Variants in TTN observed in about 807,000 individuals in gnomAD.
TTN encodes titin.
A neutral mutation model predicts 3,223.0 loss-of-function variants in TTN; 1,525 were observed. The ratio of observed to expected loss-of-function variants is 0.47; its 90% confidence interval spans 0.45 to 0.49. The LOEUF is 0.49. Ranked by LOEUF, TTN falls within the 20% of genes least tolerant of loss-of-function variation. TTN has a pLI of 0.00. For missense variants in TTN, 40,786 were observed against 43,424.0 expected, an observed-to-expected ratio of 0.94 and a Z score of 5.40; for synonymous variants, 14,094 against 15,161.0, an observed-to-expected ratio of 0.93 and a Z score of 5.17.
At position 178,748,512 on chromosome 2, in the gene TTN, G is replaced by C. The variant is rs139103966; in HGVS notation, c.11311+4612C>G. 1.1e-4 allele frequency: 180 copies of C among 1,613,030 alleles called. 2 individuals carry two copies. The East Asian group carries it at 1.9e-3, about 17-fold the overall frequency. ...CTAGTTTCTTGCCCTTGGAACTCCA[G>C]AGCTGGATCTCCTATATGAGAATAC... On this transcript the variant is annotated intron_variant, in intron 47 of 362. Coordinates refer to ENST00000589042, the MANE Select transcript of TTN (RefSeq NM_001267550.2).
In TTN at chr2:178,641,206, A is replaced by G; in HGVS notation, c.40633+35T>C. On this transcript the variant is annotated intron_variant, in intron 220 of 362. Coordinates refer to ENST00000589042, the MANE Select transcript of TTN (RefSeq NM_001267550.2). ...TTTTGTTAAATGTCCATTTTGTTAAAAGATAATCTTACAAATTGTCACTGA... is the reference window on the plus strand; with the variant it reads ...TTTTGTTAAATGTCCATTTTGTTAAGAGATAATCTTACAAATTGTCACTGA... The G allele has an allele frequency of 7.3e-7, 1 of 1,374,748 alleles. No individual in the cohort carries two copies. Among genetic ancestry groups the G allele is most frequent in the Non-Finnish European group, 9.9e-7 (1 of 1,008,530 alleles). The allele number at this position is 1,374,748 out of a possible 1,614,324, so 85.2% of individuals were successfully genotyped here.
intron 283 of TTN, 59 bp from the exon 284 acceptor site, chr2:178,602,209 A>G (rs1196904980): frequency 3.1e-6 from 5 of 1,595,492 alleles, no homozygotes; most frequent in East Asian, 2.3e-5. Context: ...AGTAATTGAA[A>G]TATCTTCAGT....
At chr2:178,600,074 C>CA (rs2052897486) in intron 288 of TTN, among the ~76,000 whole-genome samples, 1 of 151,904 alleles carries the variant, frequency 6.6e-6, no homozygotes, top group African/African-American at 2.4e-5. Flanking sequence ...TGTATCTGTG[C>CA]TTGCCTCACT....
Position 178,666,891 on chromosome 2 carries a change from G to C in TTN, c.35808C>G (p.Val11936=), listed in dbSNP as rs955859566. The stretch of plus-strand genomic sequence containing the variant: ...CTCCCTCTGGAATGACTTCCTTGAA[G>C]ACTTCAAACTCTTTAAAGATATTAG... ...PEHPPTEEFE[V]FKEVIPEGET... The change falls in exon 163 of 363, where the codon GTC becomes GTG. Residue 11936 remains valine (V), a synonymous_variant. Transcript: ENST00000589042. 5 of 1,560,906 alleles carry C rather than the reference G, an allele frequency of 3.2e-6. No individual in the cohort carries two copies. The highest frequency in any genetic ancestry group is 4.3e-6 in the Non-Finnish European group (5 of 1,152,746).
In TTN at chr2:178,563,801, A is replaced by G; in HGVS notation, c.82331T>C (p.Val27444Ala). 1 of 1,613,738 alleles carries G rather than the reference A, an allele frequency of 6.2e-7. No individual in the cohort carries two copies. The highest frequency in any genetic ancestry group is 8.5e-7 in the Non-Finnish European group (1 of 1,179,754). ...AATTCCATATTTATTCACAGCCATG[A>G]CACGGAAAATGTACTCATTACCAGG... ...LLPGNEYIFR[V>A]MAVNKYGIGE... Residue 27444 changes from valine to alanine, a missense_variant, in exon 326 of 363, where the codon GTC becomes GCC. Val to Ala is a moderately conservative substitution (Grantham distance 64, BLOSUM62 0). Transcript: ENST00000589042. This position sits in a 1 kb window ranked among gnomAD's most constrained non-coding sequence, Gnocchi z 4.5.
In TTN at chr2:178,551,947, G is replaced by C. The variant is rs774212641; in HGVS notation, c.90953C>G (p.Ala30318Gly). ...SQPLVSSIIV[A>G]KHQFRIPGPP... ...ACCAGGAATCCTGAACTGGTGTTTT[G>C]CCACAATAATGCTTGAGACAAGTGG... Residue 30318 changes from alanine (A) to glycine (G), a missense_variant, in exon 335 of 363, where the codon GCA (alanine) becomes GGA (glycine). Physicochemically the swap from Ala to Gly is moderately conservative, Grantham distance 60. Transcript: ENST00000589042. 1.2e-6 allele frequency: 2 copies of C among 1,613,056 alleles called. No homozygotes were observed. Among genetic ancestry groups the C allele is most frequent in the Admixed American group, 1.7e-5 (1 of 59,982 alleles).
At position 178,689,882 on chromosome 2, in the gene TTN, T is replaced by C; in HGVS notation, c.31777A>G (p.Lys10593Glu). 6.2e-7 allele frequency: 1 copy of C among 1,613,420 alleles called. No homozygotes were observed. The highest frequency in any genetic ancestry group is 8.5e-7 in the Non-Finnish European group (1 of 1,179,564). Reference sequence around the variant, plus strand: ...ATCTTTTCTTCAGGGACAGGTTTCTTTGGCACCTCTGGGACTTAAAGTTTT... The same window carrying C: ...ATCTTTTCTTCAGGGACAGGTTTCTCTGGCACCTCTGGGACTTAAAGTTTT... Reference protein sequence around the residue: ...AAPPKVPEVPKKPVPEEKIPV... With the variant: ...AAPPKVPEVPEKPVPEEKIPV... The change falls in exon 122 of 363, where the codon AAG (lysine) becomes GAG (glutamate). Residue 10593 changes from lysine (K) to glutamate (E), a missense_variant. Transcript: ENST00000589042.
intron 121 of TTN, among the ~76,000 whole-genome samples, chr2:178,690,516 A>G (rs1471340991): frequency 6.6e-6 from 1 of 151,672 alleles, no homozygotes; most frequent in Admixed American, 6.6e-5. Context: ...TTTTTTTTCT[A>G]AGGGGCTCTA....
chr2:178,564,975 A>T lies in TTN; in HGVS notation c.81157T>A (p.Tyr27053Asn), dbSNP rs776943572. Reference sequence around the variant, plus strand: ...GAATCCAGTGGGGCACTTTTTCCATACCTGTTTTCAGCAAAAATTCTAAAC... The same window carrying T: ...GAATCCAGTGGGGCACTTTTTCCATTCCTGTTTTCAGCAAAAATTCTAAAC... ...YQFRIFAENR[Y>N]GKSAPLDSKA... Residue 27053 changes from tyrosine (Y) to asparagine (N), a missense_variant, in exon 326 of 363, where the codon TAT becomes AAT. By Grantham distance (143) the Tyr-to-Asn change is moderately radical. Coordinates refer to ENST00000589042, the MANE Select transcript of TTN (RefSeq NM_001267550.2). 4.5e-5 allele frequency: 72 copies of T among 1,611,686 alleles called. No individual in the cohort carries two copies. In the Admixed American group the frequency reaches 7.9e-4, roughly 18 times the overall value.
rs397517563 is a variant in TTN at position 178,636,548 on chromosome 2, G to A, written c.41179C>T (p.Arg13727Cys). 2.5e-6 allele frequency: 4 copies of A among 1,613,306 alleles called. No homozygotes were observed. The highest frequency in any genetic ancestry group is 2.2e-5 in the East Asian group (1 of 44,782). The change falls in exon 225 of 363, where the codon CGT (arginine) becomes TGT (cysteine). Residue 13727 changes from arginine (R) to cysteine (C), a missense_variant. Coordinates refer to ENST00000589042, the MANE Select transcript of TTN (RefSeq NM_001267550.2). The surrounding 1 kb of genome is among the most constrained non-coding windows in gnomAD (Gnocchi z 4.3). ...ATAAACCTGTGCTTGGGACTCTCAC[G>A]GATATTGCTACCGTCTTTCATCCAG... ...TTWMKDGSNI[R>C]ESPKHRFIAD... is the part of the protein sequence containing the mutation.
Position 178,681,757 on chromosome 2 carries a change from G to T in TTN, c.33095-19C>A, listed in dbSNP as rs368154192. ...TCTGGTTCTTTAAAAGTACATACAA[G>T]GTATTTCATGTTAGACTTAGAATAT... On this transcript the variant is annotated intron_variant, in intron 135 of 362. Transcript: ENST00000589042. 27 of 1,551,350 alleles carry T rather than the reference G, an allele frequency of 1.7e-5. No individual in the cohort carries two copies. The highest frequency in any genetic ancestry group is 2.3e-5 in the Non-Finnish European group (27 of 1,149,750).
intron 218 of TTN, among the ~76,000 whole-genome samples, chr2:178,643,027 T>TG (rs2061442999): frequency 1.3e-5 from 2 of 152,022 alleles, no homozygotes; most frequent in African/African-American, 4.8e-5. Flanking sequence ...GCATGGTGGA[T>TG]GATGCTATTT....
chr2:178,558,394 C>T lies in TTN; in HGVS notation c.87065G>A (p.Gly29022Asp), dbSNP rs1702325734. 2 of 1,613,568 alleles carry T rather than the reference C, an allele frequency of 1.2e-6. No individual in the cohort carries two copies. The highest frequency in any genetic ancestry group is 1.7e-5 in the Admixed American group (1 of 59,984). ...FFRVFAENQA[G>D]LSDPRELLLP... Reference sequence around the variant, plus strand: ...CAGAAGCTCTCTCGGGTCACTCAGGCCAGCTTGATTTTCAGCAAACACTCG... The same window carrying T: ...CAGAAGCTCTCTCGGGTCACTCAGGTCAGCTTGATTTTCAGCAAACACTCG... The change falls in exon 327 of 363, where the codon GGC becomes GAC. Residue 29022 changes from glycine to aspartate, a missense_variant. Gly to Asp is a moderately conservative substitution (Grantham distance 94). Transcript: ENST00000589042.
At chr2:178,725,221 G>A in intron 71 of TTN, 147 bp downstream of exon 71, 1 of 869,506 alleles carries the variant, frequency 1.2e-6, no homozygotes, top group African/African-American at 1.8e-5. Context: ...GTGTTTGAAA[G>A]ATCAACTATG....
At chr2:178,694,966 C>A (rs1403154071) in intron 115 of TTN, 60 bp from the exon 116 acceptor site, 2 of 1,187,408 alleles carry the variant, frequency 1.7e-6, no homozygotes, top group Non-Finnish European at 1.2e-6. Context: ...TTCTCTCTCT[C>A]TCTATCTCTC....
chr2:178,718,144 C>T lies in TTN; in HGVS notation c.24862G>A (p.Asp8288Asn), dbSNP rs372538009. ...GEPATLQCKV[D>N]GTPEIRISWY... The stretch of plus-strand genomic sequence containing the variant: ...GAAATTCTAATTTCTGGAGTTCCAT[C>T]CACTTTACACTGTAAAGTTGCAGGT... The change falls in exon 86 of 363, where the codon GAT becomes AAT. Residue 8288 changes from aspartate to asparagine, a missense_variant. Physicochemically the swap from Asp to Asn is conservative, Grantham distance 23. Transcript: ENST00000589042. 2 of 1,608,318 alleles carry T rather than the reference C, an allele frequency of 1.2e-6. No homozygotes were observed. Among genetic ancestry groups the T allele is most frequent in the African/African-American group, 2.7e-5 (2 of 74,882 alleles).
chr2:178,664,972 T>C, intron 165 of TTN, 46 bp from the exon 166 acceptor site: 1 of 1,553,492 alleles, frequency 6.4e-7, no homozygotes, highest in Non-Finnish European at 8.7e-7. Context: ...AAATGATTAA[T>C]GGAAAACAGT....
intron 47 of TTN, chr2:178,745,732 T>C: frequency 6.2e-7 from 1 of 1,612,658 alleles, no homozygotes; most frequent in Non-Finnish European, 8.5e-7. Flanking sequence ...TGAACCTTCT[T>C]CCTTGGACTA....
rs1230729325 is a variant in TTN, at chr2:178,576,793, C to T, written c.69451G>A (p.Val23151Ile). Residue 23151 changes from valine (V) to isoleucine (I), a missense_variant, in exon 325 of 363, where the codon GTC becomes ATC. Val to Ile is a conservative substitution (Grantham distance 29). Coordinates refer to ENST00000589042, the MANE Select transcript of TTN (RefSeq NM_001267550.2). This position sits in a 1 kb window ranked among gnomAD's most constrained non-coding sequence, Gnocchi z 4.3. ...CTGACAGTGGCAGTGTTCTTAGTGACATTTGATACCTCTGGTTTTTCAGGA... is the reference window on the plus strand; with the variant it reads ...CTGACAGTGGCAGTGTTCTTAGTGATATTTGATACCTCTGGTTTTTCAGGA... Reference protein sequence around the residue: ...GPPEKPEVSNVTKNTATVSWK... With the variant: ...GPPEKPEVSNITKNTATVSWK... 1.2e-6 allele frequency: 2 copies of T among 1,613,218 alleles called. No homozygotes were observed. The highest frequency in any genetic ancestry group is 3.3e-5 in the Admixed American group (2 of 59,954).
Sources: gnomAD v4.1 joint callset for allele counts (sites outside exome capture counted in the v4.1 genomes callset) on GRCh38, gnomAD v4.1.1 for gene constraint, Gnocchi (gnomAD v3.1) non-coding constraint, MANE v1.5 for transcripts, NCBI Gene and HGNC (gene_info 2026-07-23, HGNC 2026-07-21) for gene names.